COL4A3: variants seen among roughly 807,000 people sequenced by gnomAD.
COL4A3 encodes the protein collagen type IV alpha 3 chain.
Under a neutral mutation model 217.4 loss-of-function variants are expected in COL4A3, and 135 were observed. That is an observed-to-expected ratio of 0.62 (90% CI 0.54 to 0.72). The LOEUF is 0.72. Among genes scored for constraint, COL4A3 ranks in the 30% least tolerant of loss-of-function variants. The pLI is 0.00. For synonymous variants in COL4A3, 690 were observed against 736.3 expected (o/e 0.94, Z 1.02); for missense variants, 1,868 against 2,119.9 (o/e 0.88, Z 2.33).
At chr2:227,307,618 A>G in intron 47 of COL4A3, 92 bp from the exon 48 acceptor site, 1 of 1,067,768 alleles carries the variant, frequency 9.4e-7, no homozygotes. Flanking sequence ...TTATGGGCTC[A>G]ACATATATAA....
chr2:227,246,560 T>C (rs2069352001), intron 6 of COL4A3, 125 bp from the exon 7 acceptor site: 1 of 762,270 alleles, frequency 1.3e-6, no homozygotes, highest in Non-Finnish European at 2.3e-6. Context: ...CCAGTAGCCA[T>C]AAGGAATTCG....
chr2:227,224,801 A>T (rs1350993683), intron 1 of COL4A3, among the ~76,000 whole-genome samples: 2 of 152,236 alleles, frequency 1.3e-5, no homozygotes, highest in East Asian at 3.8e-4. Flanking sequence ...AAAACAATTA[A>T]TAAATTATAG....
intron 50 of COL4A3, among the ~76,000 whole-genome samples, chr2:227,310,415 C>T (rs1224833516): frequency 6.6e-6 from 1 of 152,220 alleles, no homozygotes; most frequent in Non-Finnish European, 1.5e-5. Context: ...CTCCAGGGTT[C>T]AAGCAATTCT....
At chr2:227,287,197 G>C (rs910647945) in intron 34 of COL4A3, among the ~76,000 whole-genome samples, 1 of 152,170 alleles carries the variant, frequency 6.6e-6, no homozygotes, top group Non-Finnish European at 1.5e-5. Flanking sequence ...CCTTTGGGAG[G>C]CCGAGGCGGG....
chr2:227,204,617 G>T (rs932600956), intron 1 of COL4A3, among the ~76,000 whole-genome samples: 1 of 152,182 alleles, frequency 6.6e-6, no homozygotes, highest in Non-Finnish European at 1.5e-5. Flanking sequence ...GAATGCCTCT[G>T]TCTTAGCTTA....
At chr2:227,202,763 A>ATATATATATTATATATATATG (rs1559819259) in intron 1 of COL4A3, among the ~76,000 whole-genome samples, 4 of 109,630 alleles carry the variant, frequency 3.6e-5, no homozygotes, top group African/African-American at 1.3e-4. Context: ...ATATATATAT[A>ATATATATATTATATATATATG]TATATATATC....
At chr2:227,221,769 T>A (rs1014850584) in intron 1 of COL4A3, among the ~76,000 whole-genome samples, 4 of 152,170 alleles carry the variant, frequency 2.6e-5, no homozygotes, top group South Asian at 2.1e-4. Flanking sequence ...CCGTGTCCCC[T>A]GTATCTAGAA....
chr2:227,178,253 G>A (rs974820730), intron 1 of COL4A3, among the ~76,000 whole-genome samples: 4 of 151,444 alleles, frequency 2.6e-5, no homozygotes, highest in African/African-American at 9.7e-5. Context: ...ATGGTGGCAT[G>A]TGCCTGCAGT....
In COL4A3 at chr2:227,202,749, ATATATATAT is replaced by A. The variant is rs1559819211; in HGVS notation, c.88-35218_88-35210del. ...GAATCCGTCTCTAAAAAAAAAAAAT[ATATATATAT>A]ATATATATATATATCACATATATAT... On this transcript the variant is annotated intron_variant, in intron 1 of 51. Coordinates refer to ENST00000396578, the MANE Select transcript of COL4A3 (RefSeq NM_000091.5). Among the ~76,000 whole-genome samples the A allele has an allele frequency of 2.8e-3, 28 of 10,102 alleles. 3 individuals carry two copies. Among genetic ancestry groups the A allele is most frequent in the African/African-American group, 0.01 (27 of 2,614 alleles). 6.6% of individuals were successfully genotyped at this position (10,102 alleles called of 152,430 possible).
intron 1 of COL4A3, among the ~76,000 whole-genome samples, chr2:227,211,895 G>T (rs757001258): frequency 3.3e-5 from 5 of 152,012 alleles, no homozygotes; most frequent in Non-Finnish European, 5.9e-5. Flanking sequence ...TGACCTCACT[G>T]ACCTCAGGTG....
intron 26 of COL4A3, 33 bp from the exon 27 acceptor site, chr2:227,276,352 T>C (rs1037483150): frequency 6.8e-7 from 1 of 1,462,506 alleles, no homozygotes; most frequent in South Asian, 1.1e-5. Flanking sequence ...CTTCAATATA[T>C]ACCCCAATCT....
At chr2:227,185,151 C>T (rs564578605) in intron 1 of COL4A3, among the ~76,000 whole-genome samples, 8 of 152,226 alleles carry the variant, frequency 5.3e-5, no homozygotes, top group African/African-American at 1.4e-4. Flanking sequence ...CTGCCCTCCT[C>T]GGCCTCCCAA....
intron 10 of COL4A3, 36 bp from the exon 11 acceptor site, chr2:227,251,300 T>C (rs192411216): frequency 6.2e-7 from 1 of 1,612,028 alleles, no homozygotes; most frequent in Admixed American, 1.7e-5. Context: ...GTTGGATGCA[T>C]TTCCTGCTGT....
At chr2:227,223,570 CT>C (rs922486816) in intron 1 of COL4A3, among the ~76,000 whole-genome samples, 2 of 152,044 alleles carry the variant, frequency 1.3e-5, no homozygotes, top group Non-Finnish European at 2.9e-5. Context: ...GCCCCCCCAA[CT>C]CTACTAAAAA....
At chr2:227,251,619 T>C (rs544015186) in intron 11 of COL4A3, among the ~76,000 whole-genome samples, 2 of 152,346 alleles carry the variant, frequency 1.3e-5, no homozygotes, top group East Asian at 3.9e-4. Context: ...AGGCAAGGAT[T>C]CTTAATCCAC....
At chr2:227,189,751 A>G (rs1302191643) in intron 1 of COL4A3, among the ~76,000 whole-genome samples, 1 of 152,232 alleles carries the variant, frequency 6.6e-6, no homozygotes, top group African/African-American at 2.4e-5. Context: ...AAAATTTAGA[A>G]GTCATGGAGG....
intron 1 of COL4A3, among the ~76,000 whole-genome samples, chr2:227,228,140 C>T (rs953847288): frequency 2.0e-5 from 3 of 152,092 alleles, no homozygotes; most frequent in South Asian, 2.1e-4. Flanking sequence ...TGTCTCTGGA[C>T]GGGAGTTGAG....
intron 40 of COL4A3, 49 bp downstream of exon 40, chr2:227,295,111 A>G (rs2072970886): frequency 1.3e-6 from 2 of 1,559,534 alleles, no homozygotes; most frequent in Middle Eastern, 1.7e-4. Flanking sequence ...TTTGGATAGA[A>G]TCATTAGTAA....
At chr2:227,288,649 C>G (rs2106198663) in intron 34 of COL4A3, among the ~76,000 whole-genome samples, 1 of 152,184 alleles carries the variant, frequency 6.6e-6, no homozygotes, top group East Asian at 1.9e-4. Flanking sequence ...TTTGTCTTTA[C>G]TATTAAAAAA....
Sources: gnomAD v4.1 joint callset for allele counts (sites outside exome capture counted in the v4.1 genomes callset) on GRCh38, gnomAD v4.1.1 for gene constraint, MANE v1.5 for transcripts, NCBI Gene and HGNC (gene_info 2026-07-23, HGNC 2026-07-21) for gene names.